HCN1: variants seen among roughly 807,000 people sequenced by gnomAD.
HCN1 encodes hyperpolarization activated cyclic nucleotide gated potassium channel 1.
Under a neutral mutation model 78.9 loss-of-function variants are expected in HCN1, and 13 were observed. The observed-to-expected ratio is 0.16, with a 90% CI of 0.11 to 0.26. HCN1 has a LOEUF of 0.26. Ranked by LOEUF, HCN1 falls within the 10% of genes least tolerant of loss-of-function variation. The pLI is 1.00. For synonymous variants in HCN1, 552 were observed against 455.5 expected (o/e 1.21, Z -2.70); for missense variants, 810 against 1,154.3 (o/e 0.70, Z 4.32).
At chr5:45,523,731 T>C (rs1344198245) in intron 2 of HCN1, among the ~76,000 whole-genome samples, 3 of 152,318 alleles carry the variant, frequency 2.0e-5, no homozygotes, top group South Asian at 4.1e-4. Flanking sequence ...TGTAAATTTC[T>C]TTGAGTTCAT....
At chr5:45,481,409 C>T (rs569614023) in intron 2 of HCN1, among the ~76,000 whole-genome samples, 4 of 151,966 alleles carry the variant, frequency 2.6e-5, no homozygotes, top group East Asian at 1.9e-4. Context: ...ATGATTTGGG[C>T]GATGGAAACT....
intron 4 of HCN1, among the ~76,000 whole-genome samples, chr5:45,363,708 C>G (rs757093329): frequency 9.9e-5 from 15 of 151,840 alleles, no homozygotes; most frequent in Non-Finnish European, 2.2e-4. Flanking sequence ...CTGTGCTATT[C>G]TTGTGATAGT....
intron 5 of HCN1, among the ~76,000 whole-genome samples, chr5:45,326,453 A>AAT (rs1306408925): frequency 2.0e-5 from 3 of 151,620 alleles, no homozygotes; most frequent in Non-Finnish European, 1.5e-5. Flanking sequence ...GTGGCCACAA[A>AAT]ATGTTTCATC....
intron 1 of HCN1, among the ~76,000 whole-genome samples, chr5:45,673,983 T>C (rs895415265): frequency 6.5e-4 from 99 of 151,712 alleles, no homozygotes; most frequent in Admixed American, 1.8e-3. Context: ...TCTTGTGTAA[T>C]GTTTAAGGCA....
intron 3 of HCN1, among the ~76,000 whole-genome samples, chr5:45,400,574 A>T (rs1327750507): frequency 6.6e-6 from 1 of 151,684 alleles, no homozygotes; most frequent in Non-Finnish European, 1.5e-5. Context: ...CATTTTTAGT[A>T]GAGACGGGGT....
chr5:45,551,305 T>G (rs749004204), intron 2 of HCN1, among the ~76,000 whole-genome samples: 1 of 151,656 alleles, frequency 6.6e-6, no homozygotes, highest in Non-Finnish European at 1.5e-5. Context: ...TATGCTCTTA[T>G]CTATTGCACA....
chr5:45,440,834 C>T (rs1308677532), intron 3 of HCN1, among the ~76,000 whole-genome samples: 1 of 152,118 alleles, frequency 6.6e-6, no homozygotes, highest in African/African-American at 2.4e-5. Flanking sequence ...ACATAGGAAA[C>T]TCAGCCTCAT....
chr5:45,592,409 G>A (rs1361987926), intron 2 of HCN1, among the ~76,000 whole-genome samples: 1 of 151,980 alleles, frequency 6.6e-6, no homozygotes, highest in African/African-American at 2.4e-5. Context: ...TTTGATATTA[G>A]CATAATATTT....
At chr5:45,660,745 A>C (rs1342997031) in intron 1 of HCN1, among the ~76,000 whole-genome samples, 10 of 125,726 alleles carry the variant, frequency 8.0e-5, no homozygotes, top group Non-Finnish European at 1.3e-4. Flanking sequence ...ATTCAACAAG[A>C]GGAGCTAACT....
chr5:45,473,424 T>C (rs1424972590), intron 2 of HCN1, among the ~76,000 whole-genome samples: 1 of 151,886 alleles, frequency 6.6e-6, no homozygotes, highest in African/African-American at 2.4e-5. Flanking sequence ...ATCATGAGAA[T>C]ACACTTAACT....
rs1489278512 is a variant in HCN1 at position 45,386,216 on chromosome 5, C to G, written c.1230+10276G>C. On this transcript the variant is annotated intron_variant, in intron 4 of 7. Coordinates refer to ENST00000303230, the MANE Select transcript of HCN1 (RefSeq NM_021072.4). ...TTTTGGACAGGGCCTTGCTGTGTCT[C>G]CCATGCTGGAGTTCAGTGGTGTGAT... 2.0e-5 allele frequency among the ~76,000 whole-genome samples: 3 copies of G among 147,928 alleles called. No homozygotes were observed. In the South Asian group the frequency reaches 6.4e-4, roughly 31 times the overall value.
In HCN1 at chr5:45,658,079, C is replaced by T. The variant is rs549172319; in HGVS notation, c.426-12471G>A. Among the ~76,000 whole-genome samples the T allele has an allele frequency of 1.8e-3, 274 of 152,194 alleles. 1 individual carries two copies. Among genetic ancestry groups the T allele is most frequent in the Non-Finnish European group, 2.4e-3 (163 of 67,990 alleles). ...AACAGAACAGAGCCCTCAGAAATAA[C>T]GCCGCATATCTACAACTATCTGATC... On this transcript the variant is annotated intron_variant, in intron 1 of 7. Coordinates refer to ENST00000303230, the MANE Select transcript of HCN1 (RefSeq NM_021072.4).
At chr5:45,438,145 C>T (rs990380615) in intron 3 of HCN1, among the ~76,000 whole-genome samples, 6 of 152,166 alleles carry the variant, frequency 3.9e-5, no homozygotes, top group African/African-American at 1.2e-4. Flanking sequence ...GGTTAGAATA[C>T]TACAAAGTAG....
chr5:45,297,074 C>T (rs1438468667), intron 6 of HCN1, among the ~76,000 whole-genome samples: 1 of 151,974 alleles, frequency 6.6e-6, no homozygotes, highest in Non-Finnish European at 1.5e-5. Flanking sequence ...GAGCTGAGAG[C>T]CCCAAACAGA....
At chr5:45,561,025 T>C (rs1179025835) in intron 2 of HCN1, among the ~76,000 whole-genome samples, 1 of 152,116 alleles carries the variant, frequency 6.6e-6, no homozygotes, top group African/African-American at 2.4e-5. Context: ...ATTCTGTCTT[T>C]GTTTCTACTT....
intron 2 of HCN1, among the ~76,000 whole-genome samples, chr5:45,516,288 C>T (rs1742514931): frequency 6.6e-6 from 1 of 151,916 alleles, no homozygotes; most frequent in Non-Finnish European, 1.5e-5. Context: ...CCTTAAACTA[C>T]TAGAGTACTT....
chr5:45,344,801 T>C lies in HCN1; in HGVS notation c.1377+8299A>G, dbSNP rs549853811. Among the ~76,000 whole-genome samples, 8 of 152,256 alleles carry C rather than the reference T, an allele frequency of 5.3e-5. No individual in the cohort carries two copies. In the East Asian group the frequency reaches 5.8e-4, roughly 11 times the overall value. ...AGCTGCTTTCATGGGTGGGGATTCA[T>C]TGAGTATCTGCAGTTTTTCCAGTTG... On this transcript the variant is annotated intron_variant, in intron 5 of 7. Coordinates refer to ENST00000303230, the MANE Select transcript of HCN1 (RefSeq NM_021072.4).
intron 6 of HCN1, among the ~76,000 whole-genome samples, chr5:45,289,584 G>T (rs1319931073): frequency 6.6e-6 from 1 of 152,052 alleles, no homozygotes; most frequent in Admixed American, 6.6e-5. Flanking sequence ...GGCAAAGGAT[G>T]AATACATCTG....
intron 2 of HCN1, chr5:45,644,321 ATAAT>A (rs1416557150): frequency 6.6e-6 from 1 of 152,198 alleles, no homozygotes; most frequent in Non-Finnish European, 1.5e-5. Flanking sequence ...AATTCAGGTT[ATAAT>A]TAATACAAAA....
Sources: gnomAD v4.1 joint callset for allele counts (sites outside exome capture counted in the v4.1 genomes callset) on GRCh38, gnomAD v4.1.1 for gene constraint, MANE v1.5 for transcripts, NCBI Gene and HGNC (gene_info 2026-07-23, HGNC 2026-07-21) for gene names.